Variants in PPP3R1 observed in about 807,000 individuals in gnomAD.
PPP3R1 encodes calcineurin subunit B type 1.
PPP3R1 carries 5 observed loss-of-function variants against 22.6 expected under a neutral mutation model. The observed-to-expected ratio is 0.22, with a 90% confidence interval of 0.12 to 0.46. The LOEUF (loss-of-function observed/expected upper bound fraction) is 0.46. Among genes scored for constraint, PPP3R1 ranks in the 20% least tolerant of loss-of-function variants. PPP3R1 has a pLI of 0.99. For synonymous variants in PPP3R1, 56 were observed against 65.2 expected (o/e 0.86, Z 0.68); for missense variants, 61 against 203.2 (o/e 0.30, Z 4.25).
intron 2 of PPP3R1, among the ~76,000 whole-genome samples, chr2:68,198,245 GTACATACATATGTA>G (rs1345664750): frequency 3.6e-4 from 50 of 137,724 alleles, no homozygotes; most frequent in Admixed American, 1.8e-3. Context: ...ATACACATAT[GTACATACATATGTA>G]TACATACATA....
chr2:68,180,888 T>C lies in PPP3R1; in HGVS notation c.*75A>G, dbSNP rs916529940. 20 of 1,418,024 alleles carry C rather than the reference T, an allele frequency of 1.4e-5. No homozygotes were observed. In the African/African-American group the frequency reaches 1.4e-4, roughly 10 times the overall value. 87.8% of individuals were successfully genotyped at this position (1,418,024 alleles called of 1,614,324 possible). A position where few individuals can be genotyped will look rare whatever the true frequency, so the allele number is the denominator to read the frequency against. On this transcript the variant is annotated 3_prime_UTR_variant, in exon 6 of 6. Coordinates refer to ENST00000234310, the MANE Select transcript of PPP3R1 (RefSeq NM_000945.4). ...CTTCCATTTAAATACACAGAGAGCA[T>C]TGCTGGACGTCTTGAGCAGATCTTC...
chr2:68,202,223 C>G (rs1277049700), intron 2 of PPP3R1, among the ~76,000 whole-genome samples: 6 of 152,150 alleles, frequency 3.9e-5, no homozygotes, highest in Non-Finnish European at 8.8e-5. Context: ...GATAGCTAGA[C>G]TTTTTCACTA....
At chr2:68,187,355 AT>A (rs2103720446) in intron 3 of PPP3R1, 41 bp from the exon 4 acceptor site, 1 of 1,509,778 alleles carries the variant, frequency 6.6e-7, no homozygotes, top group Non-Finnish European at 9.1e-7. Flanking sequence ...AGAACTTCCA[AT>A]TTTTTACACA....
intron 1 of PPP3R1, among the ~76,000 whole-genome samples, chr2:68,238,909 G>A (rs528174677): frequency 8.4e-4 from 128 of 152,146 alleles, no homozygotes; most frequent in African/African-American, 2.7e-3. Flanking sequence ...AATTCAGTCC[G>A]GAACAGACAC....
intron 1 of PPP3R1, among the ~76,000 whole-genome samples, chr2:68,220,000 C>T (rs565441027): frequency 2.1e-4 from 32 of 152,078 alleles, no homozygotes; most frequent in African/African-American, 7.7e-4. Context: ...GGGAGAAATG[C>T]TATATGAACC....
chr2:68,188,687 T>C lies in PPP3R1; in HGVS notation c.47A>G (p.Asp16Gly), dbSNP rs1343460209. 6.3e-7 allele frequency: 1 copy of C among 1,595,660 alleles called. No homozygotes were observed. Residue 16 changes from aspartate to glycine, a missense_variant, in exon 3 of 6, where the codon GAT (aspartate) becomes GGT (glycine). Physicochemically the swap from Asp to Gly is moderately conservative, Grantham distance 94. Transcript: ENST00000234310. ...TCCTAGCCTTTTAATTTCATCCGCATCAACTAAAAGCAAACAAAAAAGGAA... is the reference window on the plus strand; with the variant it reads ...TCCTAGCCTTTTAATTTCATCCGCACCAACTAAAAGCAAACAAAAAAGGAA... ...SYPLEMCSHF[D>G]ADEIKRLGKR...
At chr2:68,198,086 A>C (rs1361227965) in intron 2 of PPP3R1, among the ~76,000 whole-genome samples, 5 of 136,234 alleles carry the variant, frequency 3.7e-5, no homozygotes, top group Non-Finnish European at 7.9e-5. Context: ...AAAAAAAAAA[A>C]AAAGCATATA....
chr2:68,241,498 C>T (rs76999740), intron 1 of PPP3R1, among the ~76,000 whole-genome samples: 40 of 152,186 alleles, frequency 2.6e-4, no homozygotes, highest in Non-Finnish European at 4.7e-4. Flanking sequence ...AATGGCAGAG[C>T]CAGAATCTAA....
At chr2:68,246,284 G>A (rs1218280911) in intron 1 of PPP3R1, among the ~76,000 whole-genome samples, 2 of 151,262 alleles carry the variant, frequency 1.3e-5, no homozygotes, top group Non-Finnish European at 3.0e-5. Context: ...CATATTGGTC[G>A]GGCTGGTCTC....
intron 2 of PPP3R1, among the ~76,000 whole-genome samples, chr2:68,189,223 T>C (rs966370624): frequency 6.6e-6 from 1 of 151,304 alleles, no homozygotes; most frequent in Non-Finnish European, 1.5e-5. Flanking sequence ...CCCCGAGATA[T>C]CCATTTCCTT....
At chr2:68,234,326 G>A (rs1374360472) in intron 1 of PPP3R1, among the ~76,000 whole-genome samples, 2 of 151,722 alleles carry the variant, frequency 1.3e-5, no homozygotes, top group Admixed American at 6.6e-5. Context: ...CTGGGGAACA[G>A]AGTGAGACTC....
chr2:68,240,492 A>C (rs137873048), intron 1 of PPP3R1, among the ~76,000 whole-genome samples: 1 of 152,236 alleles, frequency 6.6e-6, no homozygotes, highest in African/African-American at 2.4e-5. Flanking sequence ...AATCATGGGG[A>C]GACAGAAAGC....
At chr2:68,218,535 G>C (rs1172641550) in intron 1 of PPP3R1, among the ~76,000 whole-genome samples, 1 of 151,956 alleles carries the variant, frequency 6.6e-6, no homozygotes, top group African/African-American at 2.4e-5. Flanking sequence ...TGCTTACTTT[G>C]CACATTACTT....
chr2:68,246,527 T>C (rs1025847521), intron 1 of PPP3R1, among the ~76,000 whole-genome samples: 2 of 152,204 alleles, frequency 1.3e-5, no homozygotes, highest in East Asian at 3.9e-4. Flanking sequence ...AAACTACTAT[T>C]GACCAAGTCA....
intron 2 of PPP3R1, 107 bp from the exon 3 acceptor site, chr2:68,188,797 G>GA (rs201964720): frequency 2.8e-5 from 25 of 892,176 alleles, no homozygotes; most frequent in Admixed American, 6.6e-5. Context: ...TTATAGGGGG[G>GA]AAAAAAAATC....
rs777851469 is a variant in PPP3R1, at chr2:68,209,358, C to CAAAAAAA, written c.43+7727_43+7733dup. Among the ~76,000 whole-genome samples, 3 of 41,694 alleles carry CAAAAAAA rather than the reference C, an allele frequency of 7.2e-5. 1 individual carries two copies. Among genetic ancestry groups the CAAAAAAA allele is most frequent in the Non-Finnish European group, 1.3e-4 (3 of 23,244 alleles). 27.4% of individuals were successfully genotyped at this position (41,694 alleles called of 152,430 possible). A position where few individuals can be genotyped will look rare whatever the true frequency, so the allele number is the denominator to read the frequency against. On this transcript the variant is annotated intron_variant, in intron 2 of 5. Coordinates refer to ENST00000234310, the MANE Select transcript of PPP3R1 (RefSeq NM_000945.4). ...TGGGCGACAGAGCGAGACTCTGTCT[C>CAAAAAAA]AAAAAAAAAAAAAAAAAAAAAAAAA...
intron 5 of PPP3R1, among the ~76,000 whole-genome samples, chr2:68,181,392 CAAA>C (rs70949678): frequency 6.5e-5 from 7 of 107,486 alleles, no homozygotes; most frequent in Non-Finnish European, 5.9e-5. Flanking sequence ...GACTCCATCT[CAAA>C]AAAAAAAAAA....
intron 1 of PPP3R1, among the ~76,000 whole-genome samples, chr2:68,239,746 A>G (rs1245154402): frequency 2.0e-5 from 3 of 152,208 alleles, no homozygotes; most frequent in Non-Finnish European, 2.9e-5. Context: ...GTAGGGTCCT[A>G]TGCTGGCAGC....
At position 68,209,358 on chromosome 2, in the gene PPP3R1, CAAAAAAAAAAAAAAAAAA is replaced by C. The variant is rs777851469; in HGVS notation, c.43+7716_43+7733del. On this transcript the variant is annotated intron_variant, in intron 2 of 5. Transcript: ENST00000234310. ...TGGGCGACAGAGCGAGACTCTGTCT[CAAAAAAAAAAAAAAAAAA>C]AAAAAAAAAAAAAAACTGTGGAAGT... 4.2e-3 allele frequency among the ~76,000 whole-genome samples: 177 copies of C among 41,696 alleles called. 4 individuals are homozygous for C. The highest frequency in any genetic ancestry group is 0.014 in the African/African-American group (163 of 11,806). The allele number at this position is 41,696 out of a possible 152,430, so 27.4% of individuals were successfully genotyped here. A position where few individuals can be genotyped will look rare whatever the true frequency, so the allele number is the denominator to read the frequency against.
Sources: gnomAD v4.1 joint callset for allele counts (sites outside exome capture counted in the v4.1 genomes callset) on GRCh38, gnomAD v4.1.1 for gene constraint, MANE v1.5 for transcripts, NCBI Gene and HGNC (gene_info 2026-07-23, HGNC 2026-07-21) for gene names.